MLLT3: variants seen among roughly 807,000 people sequenced by gnomAD.
The protein encoded by MLLT3 is protein AF-9.
Under a neutral mutation model 53.2 loss-of-function variants are expected in MLLT3, and 4 were observed. The ratio of observed to expected loss-of-function variants is 0.08; its 90% CI spans 0.04 to 0.17. MLLT3 has a LOEUF of 0.17. Ranked by LOEUF, MLLT3 falls within the 10% of genes least tolerant of loss-of-function variation. The pLI is 1.00. For missense variants in MLLT3, 569 were observed against 684.0 expected, an observed-to-expected ratio of 0.83 and a Z score of 1.87; for synonymous variants, 283 against 230.6, an observed-to-expected ratio of 1.23 and a Z score of -2.06.
At chr9:20,464,457 G>C (rs552771346) in intron 2 of MLLT3, among the ~76,000 whole-genome samples, 2 of 152,172 alleles carry the variant, frequency 1.3e-5, no homozygotes, top group Non-Finnish European at 2.9e-5. Context: ...GGGAGACAAA[G>C]GGAGGAAGTG....
chr9:20,582,064 C>G (rs994470460), intron 2 of MLLT3, among the ~76,000 whole-genome samples: 4 of 152,136 alleles, frequency 2.6e-5, no homozygotes, highest in African/African-American at 9.7e-5. Context: ...AACCAATAAG[C>G]TGTACTTTTT....
At chr9:20,612,276 G>C (rs1056923441) in intron 2 of MLLT3, among the ~76,000 whole-genome samples, 1 of 152,158 alleles carries the variant, frequency 6.6e-6, no homozygotes, top group Non-Finnish European at 1.5e-5. Flanking sequence ...AATCGAAGAT[G>C]AAGAATCTCA....
intron 2 of MLLT3, among the ~76,000 whole-genome samples, chr9:20,519,178 A>C (rs535316604): frequency 1.2e-3 from 188 of 152,284 alleles, no homozygotes; most frequent in Non-Finnish European, 9.1e-4. Flanking sequence ...TTGAAACACA[A>C]AAAAAAGATA....
Position 20,620,625 on chromosome 9 carries a change from A to G in MLLT3, c.193+29T>C. The G allele has an allele frequency of 1.2e-6, 2 of 1,601,194 alleles. No homozygotes were observed. Among genetic ancestry groups the G allele is most frequent in the East Asian group, 2.2e-5 (1 of 44,500 alleles). ...AGCGATTGTTTCAAAGACATTTTTTATCAAGACCCTTTTGTATTCGAGCCC... is the reference window on the plus strand; with the variant it reads ...AGCGATTGTTTCAAAGACATTTTTTGTCAAGACCCTTTTGTATTCGAGCCC... On this transcript the variant is annotated intron_variant, in intron 2 of 10. Transcript: ENST00000380338. This position sits in a 1 kb window ranked among gnomAD's most constrained non-coding sequence, Gnocchi z 6.1.
rs188396884 is a variant in MLLT3, at chr9:20,421,814, A to G, written c.421-7389T>C. On this transcript the variant is annotated intron_variant, in intron 4 of 10. Coordinates refer to ENST00000380338, the MANE Select transcript of MLLT3 (RefSeq NM_004529.4). ...TGTCAAAATAGGTACTTAAATACCA[A>G]AAGAATCAACCCATCAATTGGCAGA... Among the ~76,000 whole-genome samples the G allele has an allele frequency of 5.3e-5, 8 of 152,344 alleles. No homozygotes were observed. The East Asian group carries it at 1.5e-3, about 29-fold the overall frequency.
intron 2 of MLLT3, among the ~76,000 whole-genome samples, chr9:20,472,304 T>C (rs1824414959): frequency 6.6e-6 from 1 of 152,074 alleles, no homozygotes; most frequent in Admixed American, 6.6e-5. Context: ...TCTGAGATGG[T>C]TCCAACCCTC....
At chr9:20,575,378 C>T (rs530215695) in intron 2 of MLLT3, among the ~76,000 whole-genome samples, 5 of 152,176 alleles carry the variant, frequency 3.3e-5, no homozygotes, top group South Asian at 2.1e-4. Flanking sequence ...AGATACAACT[C>T]GCAGAAGACC....
chr9:20,346,379 C>CAAAAAAAAAAAAAAACAA lies in MLLT3; in HGVS notation c.*63_*64insTTGTTTTTTTTTTTTTTT, dbSNP rs543672849. ...AACAACAAGAACAAAAAATCACAAC[C>CAAAAAAAAAAAAAAACAA]AAAAAAAAAAAAAACCAAAAAAAAA... On this transcript the variant is annotated 3_prime_UTR_variant, in exon 11 of 11. Transcript: ENST00000380338. 8 of 985,680 alleles carry CAAAAAAAAAAAAAAACAA rather than the reference C, an allele frequency of 8.1e-6. No individual in the cohort carries two copies. Among genetic ancestry groups the CAAAAAAAAAAAAAAACAA allele is most frequent in the African/African-American group, 2.6e-5 (1 of 38,970 alleles). The allele number at this position is 985,680 out of a possible 1,614,324, so 61.1% of individuals were successfully genotyped here. A position where few individuals can be genotyped will look rare whatever the true frequency, so the allele number is the denominator to read the frequency against.
intron 2 of MLLT3, among the ~76,000 whole-genome samples, chr9:20,611,257 G>A (rs1029662523): frequency 1.6e-4 from 25 of 151,958 alleles, no homozygotes; most frequent in African/African-American, 5.3e-4. Context: ...GGGGAAATGG[G>A]ACATAAAAAC....
chr9:20,450,284 C>T (rs1823807131), intron 3 of MLLT3, among the ~76,000 whole-genome samples: 1 of 152,108 alleles, frequency 6.6e-6, no homozygotes, highest in Non-Finnish European at 1.5e-5. Flanking sequence ...CTTAGACCAC[C>T]ACCATTCTTC....
chr9:20,565,982 ATT>A (rs1266319408), intron 2 of MLLT3, among the ~76,000 whole-genome samples: 61 of 96,448 alleles, frequency 6.3e-4, no homozygotes, highest in African/African-American at 2.2e-3. Flanking sequence ...ATATATATAT[ATT>A]TATTTATATA....
At chr9:20,426,042 T>C (rs1334915259) in intron 4 of MLLT3, among the ~76,000 whole-genome samples, 1 of 152,094 alleles carries the variant, frequency 6.6e-6, no homozygotes, top group Non-Finnish European at 1.5e-5. Context: ...TTGTTTCAGC[T>C]ATGTTGTACG....
At chr9:20,600,697 T>A (rs1238715608) in intron 2 of MLLT3, among the ~76,000 whole-genome samples, 1 of 152,208 alleles carries the variant, frequency 6.6e-6, no homozygotes, top group South Asian at 2.1e-4. Context: ...AACCTTACTC[T>A]TCTTTCAAAG....
chr9:20,405,721 T>G (rs527727274), intron 5 of MLLT3, among the ~76,000 whole-genome samples: 12 of 152,320 alleles, frequency 7.9e-5, no homozygotes, highest in African/African-American at 2.6e-4. Context: ...AATTTATTTA[T>G]GAGATTCTTC....
At chr9:20,466,752 G>C (rs1437360979) in intron 2 of MLLT3, among the ~76,000 whole-genome samples, 2 of 152,134 alleles carry the variant, frequency 1.3e-5, no homozygotes, top group African/African-American at 4.8e-5. Context: ...ACAAATATAA[G>C]AGCACAAACA....
intron 2 of MLLT3, among the ~76,000 whole-genome samples, chr9:20,568,798 T>C (rs529068178): frequency 3.0e-4 from 46 of 152,334 alleles, no homozygotes; most frequent in African/African-American, 1.1e-3. Flanking sequence ...AAAAAACTTG[T>C]CTGTATTTAC....
At chr9:20,591,349 T>C (rs1273948806) in intron 2 of MLLT3, among the ~76,000 whole-genome samples, 4 of 152,170 alleles carry the variant, frequency 2.6e-5, no homozygotes, top group Non-Finnish European at 1.5e-5. Flanking sequence ...TCCCAGTCAA[T>C]AGGTCTCAGA....
In MLLT3 at chr9:20,374,548, A is replaced by T. The variant is rs529815081; in HGVS notation, c.1126-8804T>A. Among the ~76,000 whole-genome samples the T allele has an allele frequency of 7.5e-4, 114 of 152,346 alleles. 1 individual carries two copies. Among genetic ancestry groups the T allele is most frequent in the African/African-American group, 2.5e-3 (105 of 41,578 alleles). On this transcript the variant is annotated intron_variant, in intron 5 of 10. Coordinates refer to ENST00000380338, the MANE Select transcript of MLLT3 (RefSeq NM_004529.4). ...AACAAAGAAGTATTGAAAAGTGATA[A>T]AACAATATTCTACTTATGTTAACCT...
intron 4 of MLLT3, among the ~76,000 whole-genome samples, chr9:20,425,140 C>T (rs969118581): frequency 5.3e-4 from 80 of 152,068 alleles, no homozygotes; most frequent in Admixed American, 2.6e-4. Flanking sequence ...AGTTGGTGAG[C>T]CAACTAATAT....
Sources: allele counts gnomAD v4.1 joint callset (sites outside exome capture counted in the v4.1 genomes callset), GRCh38; gene constraint gnomAD v4.1.1; non-coding constraint Gnocchi (gnomAD v3.1); transcripts MANE v1.5; gene names NCBI Gene and HGNC (gene_info 2026-07-23, HGNC 2026-07-21).